CACNA1A: variants seen among roughly 807,000 people sequenced by gnomAD.
CACNA1A encodes the protein voltage-dependent P/Q-type calcium channel subunit alpha-1A.
Under a neutral mutation model 262.4 loss-of-function variants are expected in CACNA1A, and 57 were observed. The observed-to-expected ratio is 0.22, with a 90% CI of 0.18 to 0.27. The LOEUF is 0.27. CACNA1A is among the 10% of genes least tolerant of loss of function. The probability of loss-of-function intolerance (pLI) is 1.00; values close to 1 mark genes in which losing one functional copy is unlikely to be tolerated. For synonymous variants in CACNA1A, 1,431 were observed against 1,419.3 expected (o/e 1.01, Z -0.18); for missense variants, 2,526 against 3,562.8 (o/e 0.71, Z 7.41).
rs780970203 is a variant in CACNA1A, at chr19:13,308,379, C to T, written c.1781+37G>A. 11 of 1,549,494 alleles carry T rather than the reference C, an allele frequency of 7.1e-6. No homozygotes were observed. The highest frequency in any genetic ancestry group is 4.7e-5 in the South Asian group (4 of 85,948). On this transcript the variant is annotated intron_variant, in intron 13 of 46. Transcript: ENST00000360228. The surrounding 1 kb of genome is among the most constrained non-coding windows in gnomAD (Gnocchi z 4.2). ...GGCCCCACCATGTCCCCCATCCCCA[C>T]CCCCTGTACAAATGTCCAGGAACCC...
At chr19:13,429,326 G>A (rs1247251961) in intron 3 of CACNA1A, among the ~76,000 whole-genome samples, 1 of 151,504 alleles carries the variant, frequency 6.6e-6, no homozygotes, top group East Asian at 1.9e-4. Context: ...GCGATATTGT[G>A]TCTCAGATGC....
Position 13,212,001 on chromosome 19 carries a change from G to T in CACNA1A, c.6303+102C>A. 1 of 714,366 alleles carries T rather than the reference G, an allele frequency of 1.4e-6. No individual in the cohort carries two copies. The highest frequency in any genetic ancestry group is 2.2e-6 in the Non-Finnish European group (1 of 446,880). The allele number at this position is 714,366 out of a possible 1,614,324, so 44.3% of individuals were successfully genotyped here. A position where few individuals can be genotyped will look rare whatever the true frequency, so the allele number is the denominator to read the frequency against. On this transcript the variant is annotated intron_variant, in intron 43 of 46. Transcript: ENST00000360228. This position sits in a 1 kb window ranked among gnomAD's most constrained non-coding sequence, Gnocchi z 5.6. ...TGAAGGAGTCCCTACCCAGGCCTGA[G>T]TCCGGCAGGGAGGGGATGCACTGGG...
chr19:13,376,396 A>G (rs1005230768), intron 3 of CACNA1A, among the ~76,000 whole-genome samples: 4 of 152,094 alleles, frequency 2.6e-5, no homozygotes, highest in Admixed American at 6.6e-5. Context: ...TACCATTCCT[A>G]AAGTCCTAAG....
intron 1 of CACNA1A, among the ~76,000 whole-genome samples, chr19:13,472,971 G>C (rs1471450367): frequency 1.3e-5 from 2 of 152,140 alleles, no homozygotes; most frequent in African/African-American, 4.8e-5. Flanking sequence ...AGACAGAAGA[G>C]GCCAGGTGCA....
intron 3 of CACNA1A, among the ~76,000 whole-genome samples, chr19:13,447,308 T>C (rs113467627): frequency 2.6e-5 from 4 of 152,206 alleles, no homozygotes; most frequent in African/African-American, 9.7e-5. Flanking sequence ...GAAGTATTTC[T>C]CCTCTAGAGG....
At chr19:13,379,604 C>T (rs1350704330) in intron 3 of CACNA1A, among the ~76,000 whole-genome samples, 1 of 152,078 alleles carries the variant, frequency 6.6e-6, no homozygotes, top group Non-Finnish European at 1.5e-5. Context: ...TGCTCTTTAC[C>T]ACCTGGAAGG....
chr19:13,450,776 C>G (rs2060901748), intron 3 of CACNA1A: 2 of 152,212 alleles, frequency 1.3e-5, no homozygotes, highest in African/African-American at 4.8e-5. Flanking sequence ...CTCTCTCCAG[C>G]CTCCTGAGTA....
chr19:13,223,845 C>T (rs2055332566), intron 38 of CACNA1A, among the ~76,000 whole-genome samples: 4 of 152,114 alleles, frequency 2.6e-5, no homozygotes. Flanking sequence ...GGACGGGTCT[C>T]TGGCACATTG....
intron 3 of CACNA1A, among the ~76,000 whole-genome samples, chr19:13,413,511 G>T (rs1277296480): frequency 2.7e-5 from 4 of 145,842 alleles, no homozygotes; most frequent in Non-Finnish European, 4.5e-5. Context: ...GGTCACGGCT[G>T]CAGAAAGTGA....
intron 27 of CACNA1A, 95 bp downstream of exon 27, chr19:13,259,469 G>T: frequency 1.6e-6 from 2 of 1,250,166 alleles, no homozygotes; most frequent in Non-Finnish European, 2.2e-6. Flanking sequence ...ACCATGCCCG[G>T]CCTCCAAGAC....
chr19:13,391,523 C>T (rs1224638700), intron 3 of CACNA1A, among the ~76,000 whole-genome samples: 1 of 152,028 alleles, frequency 6.6e-6, no homozygotes, highest in Non-Finnish European at 1.5e-5. Flanking sequence ...GGAACAGAGG[C>T]AAAAACCCCA....
Position 13,214,429 on chromosome 19 carries a change from C to T in CACNA1A, c.5839+72G>A. Reference sequence around the variant, plus strand: ...ATACCAGCCCAGGCCAACACTCTCCCCAGGCCTCCCCTTTCCCTCCCCCTC... The same window carrying T: ...ATACCAGCCCAGGCCAACACTCTCCTCAGGCCTCCCCTTTCCCTCCCCCTC... On this transcript the variant is annotated intron_variant, in intron 39 of 46. Coordinates refer to ENST00000360228, the MANE Select transcript of CACNA1A (RefSeq NM_001127222.2). The surrounding 1 kb of genome is among the most constrained non-coding windows in gnomAD (Gnocchi z 4.1). 1 of 1,541,570 alleles carries T rather than the reference C, an allele frequency of 6.5e-7. No homozygotes were observed. Among genetic ancestry groups the T allele is most frequent in the South Asian group, 1.1e-5 (1 of 88,246 alleles).
rs202072454 is a variant in CACNA1A, at chr19:13,352,403, C to CAAAA, written c.978+7199_978+7202dup. Among the ~76,000 whole-genome samples the CAAAA allele has an allele frequency of 9.6e-3, 796 of 82,560 alleles. 14 individuals are homozygous for CAAAA. Among genetic ancestry groups the CAAAA allele is most frequent in the African/African-American group, 0.033 (711 of 21,576 alleles). 54.2% of individuals were successfully genotyped at this position (82,560 alleles called of 152,430 possible). The stretch of plus-strand genomic sequence containing the variant: ...TGGGCAACAGAGTGAGACTCCATCT[C>CAAAA]AAAAAAAAAAAAAAAAAGTAAACTG... On this transcript the variant is annotated intron_variant, in intron 6 of 46. Coordinates refer to ENST00000360228, the MANE Select transcript of CACNA1A (RefSeq NM_001127222.2).
Position 13,212,931 on chromosome 19 carries a change from C to T in CACNA1A, c.5941-191G>A, listed in dbSNP as rs1308888862. Reference sequence around the variant, plus strand: ...CTCACTCCTCCACCCAAGTCATAGCCCCAGCCTGGTCCCACGTCCTCATCT... The same window carrying T: ...CTCACTCCTCCACCCAAGTCATAGCTCCAGCCTGGTCCCACGTCCTCATCT... On this transcript the variant is annotated intron_variant, in intron 40 of 46. Coordinates refer to ENST00000360228, the MANE Select transcript of CACNA1A (RefSeq NM_001127222.2). The surrounding 1 kb of genome is among the most constrained non-coding windows in gnomAD (Gnocchi z 5.6). Among the ~76,000 whole-genome samples, 2 of 152,060 alleles carry T rather than the reference C, an allele frequency of 1.3e-5. No individual in the cohort carries two copies. Among genetic ancestry groups the T allele is most frequent in the Non-Finnish European group, 2.9e-5 (2 of 68,018 alleles).
chr19:13,345,779 C>A (rs1423599803), intron 6 of CACNA1A, among the ~76,000 whole-genome samples: 1 of 152,044 alleles, frequency 6.6e-6, no homozygotes, highest in Non-Finnish European at 1.5e-5. Flanking sequence ...CACTTTATAC[C>A]CGTTATAGAT....
At chr19:13,283,965 T>G (rs2057346904) in intron 21 of CACNA1A, 1 of 152,816 alleles carries the variant, frequency 6.5e-6, no homozygotes, top group Non-Finnish European at 1.5e-5. Context: ...TTATTGAAAT[T>G]ATGAATTGCA....
At chr19:13,255,605 C>G (rs905923057) in intron 28 of CACNA1A, among the ~76,000 whole-genome samples, 1 of 152,090 alleles carries the variant, frequency 6.6e-6, no homozygotes, top group Non-Finnish European at 1.5e-5. Context: ...CCTGAGGTGA[C>G]ACAGCTACCG....
intron 24 of CACNA1A, chr19:13,263,071 C>G (rs914282802): frequency 4.4e-5 from 23 of 520,822 alleles, no homozygotes; most frequent in Non-Finnish European, 6.6e-5. Context: ...GGTTGAGGGC[C>G]CTTTGCCATC....
At chr19:13,424,413 A>C (rs1376410149) in intron 3 of CACNA1A, among the ~76,000 whole-genome samples, 1 of 152,102 alleles carries the variant, frequency 6.6e-6, no homozygotes, top group Admixed American at 6.6e-5. Context: ...GCATGCCAAG[A>C]ACTGTGCTGG....
Sources: gnomAD v4.1 joint callset for allele counts (sites outside exome capture counted in the v4.1 genomes callset) on GRCh38, gnomAD v4.1.1 for gene constraint, Gnocchi (gnomAD v3.1) non-coding constraint, MANE v1.5 for transcripts, NCBI Gene and HGNC (gene_info 2026-07-23, HGNC 2026-07-21) for gene names.